Variants in PAWR observed in about 807,000 individuals in gnomAD.
The protein encoded by PAWR is pro-apoptotic WT1 regulator.
PAWR carries 23 observed loss-of-function variants against 32.0 expected under a neutral mutation model. The ratio of observed to expected loss-of-function variants is 0.72; its 90% CI spans 0.52 to 1.02. The LOEUF is 1.02. PAWR is among the 50% of genes least tolerant of loss of function. PAWR has a pLI of 0.00. For missense variants in PAWR, 457 were observed against 437.7 expected, an observed-to-expected ratio of 1.04 and a Z score of -0.39; for synonymous variants, 226 against 187.1, an observed-to-expected ratio of 1.21 and a Z score of -1.70.
chr12:79,623,086 G>A (rs1007747002), intron 2 of PAWR, among the ~76,000 whole-genome samples: 1 of 152,076 alleles, frequency 6.6e-6, no homozygotes, highest in African/African-American at 2.4e-5. Flanking sequence ...CAGAGAACAG[G>A]AACAAGACCA....
At chr12:79,684,387 G>T (rs1339663181) in intron 2 of PAWR, among the ~76,000 whole-genome samples, 1 of 152,130 alleles carries the variant, frequency 6.6e-6, no homozygotes, top group Non-Finnish European at 1.5e-5. Context: ...GAGGCGGGTA[G>T]ATCACTTGAG....
chr12:79,594,472 T>C lies in PAWR; in HGVS notation c.832-39A>G, dbSNP rs3789993. ...TTAAAAACCAGTAATTAGGAAGTAA[T>C]TGTTTATTTATAATCTTCCTAAGTG... On this transcript the variant is annotated intron_variant, in intron 5 of 6. Coordinates refer to ENST00000328827, the MANE Select transcript of PAWR (RefSeq NM_002583.4). The C allele has an allele frequency of 1.1e-4, 107 of 965,750 alleles. No homozygotes were observed. In the East Asian group the frequency reaches 2.4e-3, roughly 22 times the overall value. The allele number at this position is 965,750 out of a possible 1,614,324, so 59.8% of individuals were successfully genotyped here.
intron 2 of PAWR, among the ~76,000 whole-genome samples, chr12:79,647,146 G>A (rs530544690): frequency 6.9e-6 from 1 of 145,528 alleles, no homozygotes; most frequent in South Asian, 2.1e-4. Context: ...CTGCATTCCA[G>A]TCTGGTGACA....
rs1461509866 is a variant in PAWR, at chr12:79,587,733, A to C, written c.*4874T>G. 2 of 152,028 alleles carry C rather than the reference A, an allele frequency of 1.3e-5. No individual in the cohort carries two copies. Among genetic ancestry groups the C allele is most frequent in the Non-Finnish European group, 2.9e-5 (2 of 67,878 alleles). The allele number at this position is 152,028 out of a possible 1,614,324, so 9.4% of individuals were successfully genotyped here. On this transcript the variant is annotated 3_prime_UTR_variant, in exon 7 of 7. Coordinates refer to ENST00000328827, the MANE Select transcript of PAWR (RefSeq NM_002583.4). ...ACCAGCATTATCCTTTAGCTTCAAAAGTAAAACTCATAGTCAGGATTTTAC... is the reference window on the plus strand; with the variant it reads ...ACCAGCATTATCCTTTAGCTTCAAACGTAAAACTCATAGTCAGGATTTTAC...
rs1873420826 is a variant in PAWR, at chr12:79,587,568, C to T, written c.*5039G>A. The stretch of plus-strand genomic sequence containing the variant: ...ACTTTTGTGCACTTCCTCATTTATT[C>T]GAGAAACCCCACCACTAATGTATTT... On this transcript the variant is annotated 3_prime_UTR_variant, in exon 7 of 7. Coordinates refer to ENST00000328827, the MANE Select transcript of PAWR (RefSeq NM_002583.4). 1 of 151,848 alleles carries T rather than the reference C, an allele frequency of 6.6e-6. No individual in the cohort carries two copies. The highest frequency in any genetic ancestry group is 2.4e-5 in the African/African-American group (1 of 41,402). The allele number at this position is 151,848 out of a possible 1,614,324, so 9.4% of individuals were successfully genotyped here. A position where few individuals can be genotyped will look rare whatever the true frequency, so the allele number is the denominator to read the frequency against.
In PAWR at chr12:79,621,220, A is replaced by G. The variant is rs1176153219; in HGVS notation, c.517-13T>C. The G allele has an allele frequency of 6.3e-7, 1 of 1,584,366 alleles. No homozygotes were observed. The highest frequency in any genetic ancestry group is 8.5e-7 in the Non-Finnish European group (1 of 1,169,904). ...ACTCATCTAAGCACTGAAAGAAAAA[A>G]AGAGTTTCCATTTTATTTCTACTAT... On this transcript the variant is annotated splice_polypyrimidine_tract_variant and intron_variant, in intron 2 of 6. Coordinates refer to ENST00000328827, the MANE Select transcript of PAWR (RefSeq NM_002583.4).
chr12:79,633,974 G>A (rs115718276), intron 2 of PAWR, among the ~76,000 whole-genome samples: 1,647 of 152,158 alleles, frequency 0.011, 43 homozygotes, highest in African/African-American at 0.038. Context: ...TGCTGGTATA[G>A]ATAAAACAAA....
At chr12:79,593,917 T>C (rs1473765534) in intron 6 of PAWR, among the ~76,000 whole-genome samples, 1 of 151,828 alleles carries the variant, frequency 6.6e-6, no homozygotes, top group African/African-American at 2.4e-5. Context: ...TTGGCCAGGC[T>C]GGTCTCGAAC....
chr12:79,636,885 A>G (rs1351898939), intron 2 of PAWR, among the ~76,000 whole-genome samples: 1 of 152,068 alleles, frequency 6.6e-6, no homozygotes, highest in African/African-American at 2.4e-5. Context: ...AATCCACACA[A>G]ATTTCTTAGG....
rs992823324 is a variant in PAWR, at chr12:79,593,810, C to T, written c.936+519G>A. On this transcript the variant is annotated intron_variant, in intron 6 of 6. Coordinates refer to ENST00000328827, the MANE Select transcript of PAWR (RefSeq NM_002583.4). The stretch of plus-strand genomic sequence containing the variant: ...CTCCGCCTCCTGGGATCAAGCAATT[C>T]TCCTGCCTCAACCTTCTGAGTAGCT... Among the ~76,000 whole-genome samples, 7 of 147,822 alleles carry T rather than the reference C, an allele frequency of 4.7e-5. No individual in the cohort carries two copies. In the East Asian group the frequency reaches 1.3e-3, roughly 27 times the overall value.
intron 4 of PAWR, among the ~76,000 whole-genome samples, chr12:79,609,957 C>T (rs1025975264): frequency 4.6e-5 from 7 of 152,328 alleles, no homozygotes; most frequent in African/African-American, 1.7e-4. Context: ...GCCATGGGGA[C>T]AGTACAGAAT....
chr12:79,637,802 A>T (rs1399951421), intron 2 of PAWR, among the ~76,000 whole-genome samples: 1 of 152,098 alleles, frequency 6.6e-6, no homozygotes, highest in African/African-American at 2.4e-5. Flanking sequence ...CAAAACTATT[A>T]ACATCTTAAA....
intron 3 of PAWR, among the ~76,000 whole-genome samples, chr12:79,618,170 C>A (rs1438414078): frequency 6.6e-6 from 1 of 152,008 alleles, no homozygotes; most frequent in Non-Finnish European, 1.5e-5. Context: ...TCGCTGTCAC[C>A]CAGGCTGGAA....
At chr12:79,645,525 T>C (rs981467144) in intron 2 of PAWR, among the ~76,000 whole-genome samples, 3 of 152,214 alleles carry the variant, frequency 2.0e-5, no homozygotes, top group South Asian at 2.1e-4. Flanking sequence ...TACAAATATC[T>C]GAGGGCTAAT....
intron 3 of PAWR, among the ~76,000 whole-genome samples, chr12:79,615,505 T>C (rs368483059): frequency 1.3e-5 from 2 of 152,118 alleles, no homozygotes; most frequent in African/African-American, 2.4e-5. Flanking sequence ...TGACAGGTGA[T>C]ACAAAGACAT....
At chr12:79,660,285 C>T (rs950222704) in intron 2 of PAWR, among the ~76,000 whole-genome samples, 2 of 152,150 alleles carry the variant, frequency 1.3e-5, no homozygotes, top group African/African-American at 2.4e-5. Context: ...TTCATAGTGG[C>T]ACTGACAGGA....
chr12:79,680,850 C>T (rs944254807), intron 2 of PAWR, among the ~76,000 whole-genome samples: 1 of 151,986 alleles, frequency 6.6e-6, no homozygotes, highest in African/African-American at 2.4e-5. Context: ...GGTGGAGTGG[C>T]TCACACCTGT....
intron 2 of PAWR, among the ~76,000 whole-genome samples, chr12:79,674,890 T>C (rs1462803080): frequency 2.0e-5 from 3 of 152,124 alleles, no homozygotes; most frequent in Non-Finnish European, 4.4e-5. Flanking sequence ...ATGGCTACTA[T>C]TAAAAAGCCA....
chr12:79,662,205 A>AG (rs1877386130), intron 2 of PAWR, among the ~76,000 whole-genome samples: 8 of 150,466 alleles, frequency 5.3e-5, no homozygotes, highest in Admixed American at 4.0e-4. Context: ...ATCTCTCAAA[A>AG]AAAAAAAAAA....
Sources: allele counts gnomAD v4.1 joint callset (sites outside exome capture counted in the v4.1 genomes callset), GRCh38; gene constraint gnomAD v4.1.1; transcripts MANE v1.5; gene names NCBI Gene and HGNC (gene_info 2026-07-23, HGNC 2026-07-21).